The following SYNDIG1 variants were observed in gnomAD, a reference collection of about 807,000 sequenced individuals.
The protein encoded by SYNDIG1 is synapse differentiation-inducing gene protein 1.
SYNDIG1 carries 9 observed loss-of-function variants against 19.4 expected under a neutral mutation model. The observed-to-expected ratio is 0.46, with a 90% CI of 0.28 to 0.81. The LOEUF (loss-of-function observed/expected upper bound fraction) is 0.81, where lower values mean the gene tolerates loss of function less well. SYNDIG1 is among the 30% of genes least tolerant of loss of function. The probability of loss-of-function intolerance (pLI) is 0.12; values close to 1 mark genes in which losing one functional copy is unlikely to be tolerated. For synonymous variants in SYNDIG1, 141 were observed against 145.9 expected (o/e 0.97, Z 0.24); for missense variants, 311 against 343.3 (o/e 0.91, Z 0.74).
intron 2 of SYNDIG1, among the ~76,000 whole-genome samples, chr20:24,559,361 TGATG>T (rs1463051870): frequency 2.6e-5 from 4 of 152,082 alleles, no homozygotes. Flanking sequence ...GTAATTTGGG[TGATG>T]GATATTCTAA....
chr20:24,579,906 G>C (rs1017669792), intron 2 of SYNDIG1, among the ~76,000 whole-genome samples: 1 of 152,208 alleles, frequency 6.6e-6, no homozygotes, highest in African/African-American at 2.4e-5. Context: ...TTGGTGTCAT[G>C]CCCTGCGCTA....
At chr20:24,589,717 C>T (rs975394983) in intron 3 of SYNDIG1, among the ~76,000 whole-genome samples, 2 of 152,132 alleles carry the variant, frequency 1.3e-5, no homozygotes, top group South Asian at 4.2e-4. Flanking sequence ...TAAAATGTTT[C>T]TTTCCTTTAC....
At chr20:24,529,204 C>G (rs1156951606) in intron 1 of SYNDIG1, among the ~76,000 whole-genome samples, 1 of 152,166 alleles carries the variant, frequency 6.6e-6, no homozygotes, top group Non-Finnish European at 1.5e-5. Flanking sequence ...CTCTGCATCT[C>G]TAAACCATGG....
At chr20:24,648,482 C>T (rs749844691) in intron 3 of SYNDIG1, among the ~76,000 whole-genome samples, 1 of 152,220 alleles carries the variant, frequency 6.6e-6, no homozygotes, top group Non-Finnish European at 1.5e-5. Context: ...TATCATCACA[C>T]ATTTCGGGTT....
At chr20:24,550,617 T>C (rs998630694) in intron 2 of SYNDIG1, among the ~76,000 whole-genome samples, 6 of 151,956 alleles carry the variant, frequency 3.9e-5, no homozygotes, top group Non-Finnish European at 7.4e-5. Context: ...CACACCATTC[T>C]CCTGCCTCAG....
chr20:24,531,386 A>G (rs1334558217), intron 1 of SYNDIG1, among the ~76,000 whole-genome samples: 1 of 152,150 alleles, frequency 6.6e-6, no homozygotes, highest in Non-Finnish European at 1.5e-5. Flanking sequence ...AGAAAGGGAG[A>G]TGAGTGGGTG....
chr20:24,470,860 T>C (rs1170494043), intron 1 of SYNDIG1, among the ~76,000 whole-genome samples: 2 of 151,910 alleles, frequency 1.3e-5, no homozygotes, highest in Non-Finnish European at 2.9e-5. Flanking sequence ...TCAGATGCGC[T>C]GGCGCCGCGG....
chr20:24,525,503 C>G (rs1303071289), intron 1 of SYNDIG1, among the ~76,000 whole-genome samples: 1 of 151,920 alleles, frequency 6.6e-6, no homozygotes, highest in South Asian at 2.1e-4. Context: ...AGGCTGGTCT[C>G]GAACTCCTGA....
chr20:24,619,119 G>T, intron 3 of SYNDIG1, among the ~76,000 whole-genome samples: 1 of 152,156 alleles, frequency 6.6e-6, no homozygotes, highest in East Asian at 1.9e-4. Context: ...AAAAGCTGTG[G>T]TCTTGAGTCT....
intron 1 of SYNDIG1, among the ~76,000 whole-genome samples, chr20:24,526,628 T>A (rs915574370): frequency 6.6e-6 from 1 of 152,186 alleles, no homozygotes; most frequent in Non-Finnish European, 1.5e-5. Context: ...TTGTTTGGAT[T>A]TATAAGTATG....
intron 1 of SYNDIG1, among the ~76,000 whole-genome samples, chr20:24,508,799 T>G (rs1173894338): frequency 6.6e-6 from 1 of 152,132 alleles, no homozygotes; most frequent in African/African-American, 2.4e-5. Flanking sequence ...CCCACTCCAC[T>G]ACCCTGCAGG....
chr20:24,475,898 T>A (rs2146205519), intron 1 of SYNDIG1, among the ~76,000 whole-genome samples: 1 of 151,618 alleles, frequency 6.6e-6, no homozygotes, highest in Non-Finnish European at 1.5e-5. Flanking sequence ...TCTCACTCTA[T>A]CACCCAGGCT....
chr20:24,637,830 C>T (rs1568708501), intron 3 of SYNDIG1, among the ~76,000 whole-genome samples: 1 of 152,192 alleles, frequency 6.6e-6, no homozygotes, highest in African/African-American at 2.4e-5. Flanking sequence ...ACCCTGGCTC[C>T]CTTCGAGTCT....
intron 3 of SYNDIG1, among the ~76,000 whole-genome samples, chr20:24,585,626 T>C (rs1193820329): frequency 6.6e-6 from 1 of 152,230 alleles, no homozygotes; most frequent in East Asian, 1.9e-4. Context: ...AACCTACATT[T>C]TGAAATATTT....
At chr20:24,524,145 T>C (rs1426677731) in intron 1 of SYNDIG1, among the ~76,000 whole-genome samples, 1 of 152,188 alleles carries the variant, frequency 6.6e-6, no homozygotes, top group East Asian at 1.9e-4. Flanking sequence ...GTACATACTT[T>C]AAAGGTTTTT....
At chr20:24,620,681 A>G (rs2059024586) in intron 3 of SYNDIG1, among the ~76,000 whole-genome samples, 1 of 152,232 alleles carries the variant, frequency 6.6e-6, no homozygotes, top group Non-Finnish European at 1.5e-5. Flanking sequence ...ATTATAAGGG[A>G]TGGGAAAAAT....
At chr20:24,512,282 G>GTGCCC (rs2056763957) in intron 1 of SYNDIG1, among the ~76,000 whole-genome samples, 1 of 151,252 alleles carries the variant, frequency 6.6e-6, no homozygotes. Flanking sequence ...GGGATCATCG[G>GTGCCC]ACAGTGGGGG....
At chr20:24,544,910 G>A (rs2057543620) in intron 2 of SYNDIG1, among the ~76,000 whole-genome samples, 1 of 152,106 alleles carries the variant, frequency 6.6e-6, no homozygotes, top group Admixed American at 6.5e-5. Flanking sequence ...GCAGCCATGT[G>A]GGACCATCTT....
chr20:24,618,482 G>T (rs2058984443), intron 3 of SYNDIG1, among the ~76,000 whole-genome samples: 1 of 152,104 alleles, frequency 6.6e-6, no homozygotes, highest in East Asian at 1.9e-4. Context: ...CTCTTGTCGG[G>T]GTCATTTCTG....
Sources: gnomAD v4.1 joint callset for allele counts (sites outside exome capture counted in the v4.1 genomes callset) on GRCh38, gnomAD v4.1.1 for gene constraint, MANE v1.5 for transcripts, NCBI Gene and HGNC (gene_info 2026-07-23, HGNC 2026-07-21) for gene names.